TRAPPC9: variants seen among roughly 807,000 people sequenced by gnomAD.
The protein encoded by TRAPPC9 is trafficking protein particle complex subunit 9, also known as IKK2 binding protein.
In TRAPPC9, 83 loss-of-function variants were observed where a neutral mutation model predicts 124.0. The ratio of observed to expected loss-of-function variants is 0.67; its 90% CI spans 0.56 to 0.80. The LOEUF (loss-of-function observed/expected upper bound fraction) is 0.80. Ranked by LOEUF, TRAPPC9 falls within the 30% of genes least tolerant of loss-of-function variation. The pLI is 0.00. For missense variants in TRAPPC9, 1,302 were observed against 1,508.3 expected, an observed-to-expected ratio of 0.86 and a Z score of 2.27; for synonymous variants, 638 against 617.5, an observed-to-expected ratio of 1.03 and a Z score of -0.49.
At chr8:140,218,387 A>G (rs929827882) in intron 17 of TRAPPC9, among the ~76,000 whole-genome samples, 1 of 152,144 alleles carries the variant, frequency 6.6e-6, no homozygotes, top group African/African-American at 2.4e-5. Context: ...ATCAAGAACA[A>G]CCATTTAAAG....
intron 17 of TRAPPC9, among the ~76,000 whole-genome samples, chr8:140,061,150 G>A (rs988098233): frequency 6.6e-6 from 1 of 152,180 alleles, no homozygotes; most frequent in Admixed American, 6.5e-5. Flanking sequence ...TAGGCACTGG[G>A]GAGCCATTGG....
chr8:140,165,327 T>G (rs930546648), intron 17 of TRAPPC9, among the ~76,000 whole-genome samples: 1 of 150,956 alleles, frequency 6.6e-6, no homozygotes, highest in Non-Finnish European at 1.5e-5. Flanking sequence ...GATGACAGAG[T>G]GAGATTCCGT....
chr8:140,302,030 C>T (rs949200413), intron 10 of TRAPPC9, among the ~76,000 whole-genome samples: 1 of 152,218 alleles, frequency 6.6e-6, no homozygotes, highest in African/African-American at 2.4e-5. Flanking sequence ...ACAGTGCACC[C>T]TAACCTATAC....
intron 21 of TRAPPC9, among the ~76,000 whole-genome samples, chr8:139,824,064 C>T (rs955424999): frequency 2.0e-5 from 3 of 152,194 alleles, no homozygotes; most frequent in Non-Finnish European, 2.9e-5. Flanking sequence ...CAGTTCACCC[C>T]ATTTTCACTC....
chr8:140,012,524 T>C lies in TRAPPC9; in HGVS notation c.2699+11413A>G, dbSNP rs554000708. Among the ~76,000 whole-genome samples, 33 of 152,316 alleles carry C rather than the reference T, an allele frequency of 2.2e-4. 1 individual carries two copies. The highest frequency in any genetic ancestry group is 1.3e-3 in the Admixed American group (20 of 15,302). ...TACTGGAATCCTCCCGACAGCCCGATAAGGAGGCCCGCTTTATAAAGATTC... is the reference window on the plus strand; with the variant it reads ...TACTGGAATCCTCCCGACAGCCCGACAAGGAGGCCCGCTTTATAAAGATTC... On this transcript the variant is annotated intron_variant, in intron 18 of 22. Coordinates refer to ENST00000438773, the MANE Select transcript of TRAPPC9 (RefSeq NM_001160372.4).
At chr8:139,956,783 C>A (rs1835018274) in intron 19 of TRAPPC9, among the ~76,000 whole-genome samples, 1 of 152,228 alleles carries the variant, frequency 6.6e-6, no homozygotes, top group African/African-American at 2.4e-5. Context: ...GCCTCCTACT[C>A]CCCTATCCCT....
chr8:139,965,270 G>C (rs1033802919), intron 19 of TRAPPC9, among the ~76,000 whole-genome samples: 44 of 152,232 alleles, frequency 2.9e-4, no homozygotes, highest in African/African-American at 1.1e-3. Flanking sequence ...GGATAGTCCT[G>C]TGTTTTCTGA....
chr8:139,748,124 G>A (rs71514634), intron 21 of TRAPPC9, among the ~76,000 whole-genome samples: 2 of 32,528 alleles, frequency 6.1e-5, no homozygotes, highest in Non-Finnish European at 5.4e-5. Context: ...ATACACAGCA[G>A]GTGTCACAGC....
chr8:139,952,841 T>A (rs72683278), intron 19 of TRAPPC9, among the ~76,000 whole-genome samples: 1 of 152,178 alleles, frequency 6.6e-6, no homozygotes, highest in East Asian at 1.9e-4. Context: ...CATTCTCTAA[T>A]CGGATTCTAT....
intron 16 of TRAPPC9, among the ~76,000 whole-genome samples, chr8:140,251,339 G>A (rs1653721868): frequency 6.6e-6 from 1 of 152,184 alleles, no homozygotes. Context: ...AAGAAAAAAT[G>A]CAGTTCAGCG....
chr8:139,823,941 G>A (rs1825445283), intron 21 of TRAPPC9, among the ~76,000 whole-genome samples: 1 of 152,216 alleles, frequency 6.6e-6, no homozygotes, highest in African/African-American at 2.4e-5. Context: ...GTTGAAAGGT[G>A]CTGGACTGAC....
chr8:140,286,147 G>A (rs372943663), intron 13 of TRAPPC9, among the ~76,000 whole-genome samples: 26 of 152,254 alleles, frequency 1.7e-4, no homozygotes, highest in East Asian at 5.8e-4. Flanking sequence ...AAGCCCAGGA[G>A]CCGGCCAGGG....
At chr8:139,760,164 C>T (rs1199138473) in intron 21 of TRAPPC9, among the ~76,000 whole-genome samples, 5 of 152,130 alleles carry the variant, frequency 3.3e-5, no homozygotes, top group Admixed American at 2.6e-4. Context: ...GGGGCTGCAG[C>T]GAGGCCAGGT....
In TRAPPC9 at chr8:139,871,184, G is replaced by A. The variant is rs568430339; in HGVS notation, c.3055+14695C>T. ...GTAGTTATGCTGATTACAAGTGAGA[G>A]TCCGCCAGCTGAGAGGTGCCTTCGC... On this transcript the variant is annotated intron_variant, in intron 21 of 22. Transcript: ENST00000438773. Among the ~76,000 whole-genome samples, 169 of 152,302 alleles carry A rather than the reference G, an allele frequency of 1.1e-3. No homozygotes were observed. In the South Asian group the frequency reaches 0.032, roughly 29 times the overall value.
chr8:140,116,056 C>A (rs1185046231), intron 17 of TRAPPC9, among the ~76,000 whole-genome samples: 3 of 152,108 alleles, frequency 2.0e-5, no homozygotes, highest in African/African-American at 7.2e-5. Flanking sequence ...GCAGAGGGGG[C>A]AGCAGGCACC....
intron 19 of TRAPPC9, among the ~76,000 whole-genome samples, chr8:139,939,532 A>C (rs1432518000): frequency 6.7e-6 from 1 of 149,626 alleles, no homozygotes; most frequent in African/African-American, 2.5e-5. Flanking sequence ...ATCTGCTCCC[A>C]ACCCGTCCAG....
intron 16 of TRAPPC9, among the ~76,000 whole-genome samples, chr8:140,223,469 C>T (rs911017208): frequency 6.6e-6 from 1 of 152,126 alleles, no homozygotes; most frequent in South Asian, 2.1e-4. Context: ...AACTCACACT[C>T]GGTGCTTTTG....
At chr8:140,425,020 G>A (rs74570518) in intron 5 of TRAPPC9, among the ~76,000 whole-genome samples, 1,743 of 152,352 alleles carry the variant, frequency 0.011, 31 homozygotes, top group African/African-American at 0.039. Flanking sequence ...TTCAGATAGA[G>A]AGGCTGTGAA....
At chr8:140,029,277 A>G (rs1183812735) in intron 17 of TRAPPC9, among the ~76,000 whole-genome samples, 3 of 152,228 alleles carry the variant, frequency 2.0e-5, no homozygotes, top group Non-Finnish European at 4.4e-5. Context: ...GGCTGCGCAG[A>G]GGCAGATCAC....
Sources: gnomAD v4.1 joint callset for allele counts (sites outside exome capture counted in the v4.1 genomes callset) on GRCh38, gnomAD v4.1.1 for gene constraint, MANE v1.5 for transcripts, NCBI Gene and HGNC (gene_info 2026-07-23, HGNC 2026-07-21) for gene names.